DDC: variants seen among roughly 807,000 people sequenced by gnomAD.
The protein encoded by DDC is dopa decarboxylase.
DDC carries 43 observed loss-of-function variants against 60.0 expected under a neutral mutation model. That is an observed-to-expected ratio of 0.72 (90% confidence interval 0.56 to 0.92). The LOEUF (loss-of-function observed/expected upper bound fraction) is 0.92, where lower values mean the gene tolerates loss of function less well. Among genes scored for constraint, DDC ranks in the 40% least tolerant of loss-of-function variants. The pLI, the probability that DDC is intolerant of heterozygous loss-of-function variation, is 0.00. For missense variants in DDC, 573 were observed against 620.2 expected (o/e 0.92, Z 0.81); for synonymous variants, 232 against 234.6 (o/e 0.99, Z 0.10).
chr7:50,535,193 G>A (rs559132220), intron 4 of DDC, among the ~76,000 whole-genome samples: 7 of 150,342 alleles, frequency 4.7e-5, no homozygotes, highest in African/African-American at 7.4e-5. Context: ...TTTCCCTCTC[G>A]TCAACCAGGC....
At chr7:50,468,510 C>T (rs2042452068) in intron 12 of DDC, among the ~76,000 whole-genome samples, 1 of 152,192 alleles carries the variant, frequency 6.6e-6, no homozygotes, top group Non-Finnish European at 1.5e-5. Context: ...ATACTCCTTT[C>T]CCAGTTCTCG....
intron 5 of DDC, among the ~76,000 whole-genome samples, chr7:50,528,643 C>G (rs939481412): frequency 2.0e-5 from 3 of 152,086 alleles, no homozygotes; most frequent in Non-Finnish European, 4.4e-5. Context: ...AAATCTGTGC[C>G]CTGCCCCTGA....
chr7:50,519,269 AG>A (rs2043823006), intron 6 of DDC, among the ~76,000 whole-genome samples: 1 of 152,254 alleles, frequency 6.6e-6, no homozygotes, highest in African/African-American at 2.4e-5. Flanking sequence ...GTGGTGATCC[AG>A]GAACACTTCT....
chr7:50,464,763 G>A (rs1043487825), intron 13 of DDC, among the ~76,000 whole-genome samples: 7 of 152,154 alleles, frequency 4.6e-5, no homozygotes, highest in African/African-American at 1.4e-4. Flanking sequence ...GAGAGGGACC[G>A]TGATGCCATA....
intron 1 of DDC, chr7:50,564,169 A>G (rs1378483435): frequency 2.0e-5 from 3 of 152,216 alleles, no homozygotes; most frequent in Non-Finnish European, 4.4e-5. Flanking sequence ...TGGTTTCAAA[A>G]ATGTCACATA....
At position 50,504,065 on chromosome 7, in the gene DDC, G is replaced by C; in HGVS notation, c.715-6C>G. The C allele has an allele frequency of 6.2e-7, 1 of 1,610,940 alleles. No homozygotes were observed. Among genetic ancestry groups the C allele is most frequent in the East Asian group, 2.2e-5 (1 of 44,868 alleles). ...GTCCCCAGGGTGGCAACCATCTAGAGGGTAAAAAGCAGACAGCCTTTTATT... is the reference window on the plus strand; with the variant it reads ...GTCCCCAGGGTGGCAACCATCTAGACGGTAAAAAGCAGACAGCCTTTTATT... On this transcript the variant is annotated splice_polypyrimidine_tract_variant and splice_region_variant and intron_variant, in intron 6 of 14. Transcript: ENST00000444124.
At chr7:50,551,268 T>C (rs1372704468) in intron 1 of DDC, among the ~76,000 whole-genome samples, 2 of 150,738 alleles carry the variant, frequency 1.3e-5, no homozygotes, top group Non-Finnish European at 3.0e-5. Flanking sequence ...CCTCACTCTG[T>C]CGCCTAGGCT....
At chr7:50,509,948 T>C (rs1268301321) in intron 6 of DDC, among the ~76,000 whole-genome samples, 1 of 152,078 alleles carries the variant, frequency 6.6e-6, no homozygotes, top group Non-Finnish European at 1.5e-5. Context: ...CTCATTTACT[T>C]ATCTTACTTA....
At chr7:50,528,399 G>A in intron 5 of DDC, 119 bp from the exon 6 acceptor site, 1 of 1,245,722 alleles carries the variant, frequency 8.0e-7, no homozygotes, top group Non-Finnish European at 1.2e-6. Flanking sequence ...AACGGCACAG[G>A]AGGCAGAACT....
In DDC at chr7:50,561,021, C is replaced by T. The variant is rs886062377; in HGVS notation, c.-29+4264G>A. Reference sequence around the variant, plus strand: ...ACAAAGAGCAGTACTCACAGGCAGCCGGGAGTGACTTGCTCTCTGTCCTCT... The same window carrying T: ...ACAAAGAGCAGTACTCACAGGCAGCTGGGAGTGACTTGCTCTCTGTCCTCT... On this transcript the variant is annotated intron_variant, in intron 1 of 14. Transcript: ENST00000444124. The T allele has an allele frequency of 1.2e-4, 17 of 147,216 alleles. No homozygotes were observed. The highest frequency in any genetic ancestry group is 3.7e-4 in the African/African-American group (15 of 40,544). 9.1% of individuals were successfully genotyped at this position (147,216 alleles called of 1,614,324 possible).
At chr7:50,536,017 C>G (rs150161890) in intron 4 of DDC, among the ~76,000 whole-genome samples, 1,953 of 152,280 alleles carry the variant, frequency 0.013, 29 homozygotes, top group Non-Finnish European at 0.022. Context: ...AAAAGTCAAG[C>G]TGGGAACTGC....
At chr7:50,499,079 T>C (rs2043187206) in intron 8 of DDC, 69 bp downstream of exon 8, 1 of 1,218,324 alleles carries the variant, frequency 8.2e-7, no homozygotes, top group Non-Finnish European at 1.2e-6. Context: ...CGTCAGCTCC[T>C]CATGAAGGGA....
chr7:50,483,896 T>C (rs1227127952), intron 9 of DDC, among the ~76,000 whole-genome samples: 1 of 118,594 alleles, frequency 8.4e-6, no homozygotes, highest in African/African-American at 3.2e-5. Flanking sequence ...AGAGCAAGAT[T>C]CCATCTCAAA....
At chr7:50,460,775 T>C (rs1426009610) in intron 14 of DDC, among the ~76,000 whole-genome samples, 3 of 151,780 alleles carry the variant, frequency 2.0e-5, no homozygotes, top group Admixed American at 6.6e-5. Context: ...CTCTGAAACA[T>C]GTGCTGTGTC....
intron 9 of DDC, among the ~76,000 whole-genome samples, chr7:50,490,642 T>C (rs1439080439): frequency 6.6e-6 from 1 of 152,012 alleles, no homozygotes; most frequent in Admixed American, 6.6e-5. Context: ...TGAGCCGAGA[T>C]CATGCCACTG....
At chr7:50,485,715 ATCTTC>A (rs1471680561) in intron 9 of DDC, among the ~76,000 whole-genome samples, 1 of 152,110 alleles carries the variant, frequency 6.6e-6, no homozygotes, top group Non-Finnish European at 1.5e-5. Flanking sequence ...CGTTACTGTA[ATCTTC>A]TCTTAGACTG....
intron 14 of DDC, among the ~76,000 whole-genome samples, chr7:50,460,912 C>A (rs963556232): frequency 5.3e-5 from 8 of 150,550 alleles, no homozygotes; most frequent in South Asian, 4.2e-4. Flanking sequence ...ACAAACACTG[C>A]GGAAGGCCGC....
intron 6 of DDC, 112 bp from the exon 7 acceptor site, chr7:50,504,171 C>T (rs1184758292): frequency 5.2e-6 from 4 of 766,238 alleles, no homozygotes; most frequent in Admixed American, 1.9e-5. Context: ...GAGCCGAGAT[C>T]CCAATGAATG....
intron 9 of DDC, among the ~76,000 whole-genome samples, chr7:50,486,943 C>A (rs2153537512): frequency 6.6e-6 from 1 of 152,270 alleles, no homozygotes; most frequent in South Asian, 2.1e-4. Flanking sequence ...ATTGACTATT[C>A]CCCTGCCTGC....
Sources: gnomAD v4.1 joint callset for allele counts (sites outside exome capture counted in the v4.1 genomes callset) on GRCh38, gnomAD v4.1.1 for gene constraint, MANE v1.5 for transcripts, NCBI Gene and HGNC (gene_info 2026-07-23, HGNC 2026-07-21) for gene names.